The following NET1 variants were observed in gnomAD, a reference collection of about 807,000 sequenced individuals.
The protein encoded by NET1 is neuroepithelial cell transforming 1, also known as neuroepithelial cell-transforming gene 1 protein.
Under a neutral mutation model 61.1 loss-of-function variants are expected in NET1, and 42 were observed. That is an observed-to-expected ratio of 0.69 (90% CI 0.54 to 0.89). The LOEUF (loss-of-function observed/expected upper bound fraction) is 0.89, where lower values mean the gene tolerates loss of function less well. Among genes scored for constraint, NET1 ranks in the 40% least tolerant of loss-of-function variants. The probability of loss-of-function intolerance (pLI) is 0.00; values close to 1 mark genes in which losing one functional copy is unlikely to be tolerated. For missense variants in NET1, 654 were observed against 747.3 expected (o/e 0.88, Z 1.46); for synonymous variants, 254 against 281.8 (o/e 0.90, Z 0.99).
intron 3 of NET1, among the ~76,000 whole-genome samples, chr10:5,432,651 T>A (rs1305166016): frequency 6.6e-6 from 1 of 152,146 alleles, no homozygotes; most frequent in Non-Finnish European, 1.5e-5. Context: ...TTGAAGTCAT[T>A]CTACAGAGGA....
Position 5,428,146 on chromosome 10 carries a change from C to T in NET1, c.196-1024C>T, listed in dbSNP as rs148744731. Among the ~76,000 whole-genome samples the T allele has an allele frequency of 2.0e-3, 294 of 150,142 alleles. 3 individuals are homozygous for T. Among genetic ancestry groups the T allele is most frequent in the African/African-American group, 7.1e-3 (288 of 40,546 alleles). On this transcript the variant is annotated intron_variant, in intron 2 of 11. Transcript: ENST00000355029. ...CCTCACTGTGGGGCCAGGAAGTTGA[C>T]GGGAACCCTAACTAGTCACTTTTTA...
Position 5,453,739 on chromosome 10 carries a change from A to C in NET1, c.768+179A>C, listed in dbSNP as rs78095995. The stretch of plus-strand genomic sequence containing the variant: ...ACAGTCTGTTTAAAAAAAAAAAAAA[A>C]CACCTTCATTAATGCTATAGGTTCA... On this transcript the variant is annotated intron_variant, in intron 8 of 11. Coordinates refer to ENST00000355029, the MANE Select transcript of NET1 (RefSeq NM_001047160.3). This position sits in a 1 kb window ranked among gnomAD's most constrained non-coding sequence, Gnocchi z 4.9. 6.6e-6 allele frequency among the ~76,000 whole-genome samples: 1 copy of C among 152,000 alleles called. No individual in the cohort carries two copies. Among genetic ancestry groups the C allele is most frequent in the African/African-American group, 2.4e-5 (1 of 41,344 alleles).
rs58712778 is a variant in NET1 at position 5,458,438 on chromosome 10, T to TA, written c.*1457dup. The TA allele has an allele frequency of 1.8e-3, 260 of 142,400 alleles. 1 individual carries two copies. The highest frequency in any genetic ancestry group is 7.9e-3 in the East Asian group (39 of 4,964). The allele number at this position is 142,400 out of a possible 1,614,324, so 8.8% of individuals were successfully genotyped here. On this transcript the variant is annotated 3_prime_UTR_variant, in exon 12 of 12. Transcript: ENST00000355029. The surrounding 1 kb of genome is among the most constrained non-coding windows in gnomAD (Gnocchi z 4.5). ...TCTCTGTACAAATGAATGATACTAT[T>TA]AAAAAAAAAAAAAGCACACACATAA...
Position 5,451,800 on chromosome 10 carries a change from T to C in NET1, c.256-30T>C, listed in dbSNP as rs1296238411. On this transcript the variant is annotated intron_variant, in intron 3 of 11. Transcript: ENST00000355029. The surrounding 1 kb of genome is among the most constrained non-coding windows in gnomAD (Gnocchi z 6.1). ...TATGAAATCATTGCACCTAGACATA[T>C]ATTTAGTGTCATCTGGTTTGTTTTT... 3 of 1,554,926 alleles carry C rather than the reference T, an allele frequency of 1.9e-6. No homozygotes were observed. The highest frequency in any genetic ancestry group is 1.4e-5 in the African/African-American group (1 of 73,780).
chr10:5,437,722 G>A lies in NET1; in HGVS notation c.255+8493G>A, dbSNP rs1463945897. 6.6e-6 allele frequency among the ~76,000 whole-genome samples: 1 copy of A among 151,860 alleles called. No homozygotes were observed. Among genetic ancestry groups the A allele is most frequent in the East Asian group, 1.9e-4 (1 of 5,188 alleles). ...GATAACCTGACAGGAAATCAATAAG[G>A]AAGTAGAAGACTTAAACAGCACTCA... On this transcript the variant is annotated intron_variant, in intron 3 of 11. Transcript: ENST00000355029. The surrounding 1 kb of genome is among the most constrained non-coding windows in gnomAD (Gnocchi z 4.3).
At chr10:5,428,836 C>T (rs1477377134) in intron 2 of NET1, among the ~76,000 whole-genome samples, 1 of 151,758 alleles carries the variant, frequency 6.6e-6, no homozygotes, top group Non-Finnish European at 1.5e-5. Flanking sequence ...GATTCTCCTG[C>T]CTCAGCCTCT....
chr10:5,412,751 C>T lies in NET1; in HGVS notation c.59C>T (p.Ala20Val). The T allele has an allele frequency of 6.7e-7, 1 of 1,483,574 alleles. No individual in the cohort carries two copies. Among genetic ancestry groups the T allele is most frequent in the South Asian group, 1.3e-5 (1 of 77,590 alleles). 91.9% of individuals were successfully genotyped at this position (1,483,574 alleles called of 1,614,324 possible). Residue 20 changes from alanine (A) to valine (V), a missense_variant, in exon 1 of 12, where the codon GCC (alanine) becomes GTC (valine). Physicochemically the swap from Ala to Val is moderately conservative, Grantham distance 64 (BLOSUM62 0). Coordinates refer to ENST00000355029, the MANE Select transcript of NET1 (RefSeq NM_001047160.3). This position sits in a 1 kb window ranked among gnomAD's most constrained non-coding sequence, Gnocchi z 6.5. The part of the protein sequence containing the change: ...QPRPRRRSRR[A>V]SGLSTEGATG... ...CGACCGCGGAGGCGAAGCCGCCGGG[C>T]CTCTGGGCTCAGCACGGAGGGAGCG...
intron 3 of NET1, 56 bp downstream of exon 3, chr10:5,429,285 T>C: frequency 7.8e-7 from 1 of 1,283,882 alleles, no homozygotes; most frequent in Non-Finnish European, 1.1e-6. Flanking sequence ...GATAGCATTT[T>C]ATTTCTGTGC....
In NET1 at chr10:5,412,851, G is replaced by C; in HGVS notation, c.128+31G>C. 7.6e-7 allele frequency: 1 copy of C among 1,323,698 alleles called. No individual in the cohort carries two copies. Among genetic ancestry groups the C allele is most frequent in the Non-Finnish European group, 9.7e-7 (1 of 1,029,036 alleles). The allele number at this position is 1,323,698 out of a possible 1,614,324, so 82.0% of individuals were successfully genotyped here. On this transcript the variant is annotated intron_variant, in intron 1 of 11. Transcript: ENST00000355029. The surrounding 1 kb of genome is among the most constrained non-coding windows in gnomAD (Gnocchi z 6.5). ...TGTGGGGGAGGGGAGGGCCGAACGG[G>C]AGGTGAGTGTAGGGGAGCGGAGGGC...
At position 5,426,468 on chromosome 10, in the gene NET1, A is replaced by G. The variant is rs1832259187; in HGVS notation, c.129-187A>G. Among the ~76,000 whole-genome samples the G allele has an allele frequency of 6.6e-6, 1 of 152,172 alleles. No homozygotes were observed. Among genetic ancestry groups the G allele is most frequent in the Non-Finnish European group, 1.5e-5 (1 of 68,020 alleles). On this transcript the variant is annotated intron_variant, in intron 1 of 11. Transcript: ENST00000355029. The surrounding 1 kb of genome is among the most constrained non-coding windows in gnomAD (Gnocchi z 4.6). The stretch of plus-strand genomic sequence containing the variant: ...CTCTAAAGATGCTGAGAATGACCAA[A>G]ACCTATACCCTGTTTGTTTGTTTTT...
At chr10:5,434,132 T>G (rs1345763025) in intron 3 of NET1, among the ~76,000 whole-genome samples, 1 of 152,236 alleles carries the variant, frequency 6.6e-6, no homozygotes, top group Non-Finnish European at 1.5e-5. Flanking sequence ...TTCAGTGCAG[T>G]AAGTTTCCTG....
intron 3 of NET1, among the ~76,000 whole-genome samples, chr10:5,436,248 A>ATATATT (rs1564462826): frequency 1.2e-3 from 22 of 18,424 alleles, no homozygotes; most frequent in South Asian, 2.6e-3. Context: ...ATATATATAT[A>ATATATT]TTTTTTTTTT....
In NET1 at chr10:5,424,960, G is replaced by A. The variant is rs74963874; in HGVS notation, c.129-1695G>A. Among the ~76,000 whole-genome samples, 216 of 152,270 alleles carry A rather than the reference G, an allele frequency of 1.4e-3. No homozygotes were observed. The highest frequency in any genetic ancestry group is 0.014 in the Middle Eastern group (4 of 294). ...TGCCTTCTTACAATCTATTGTTCACGTTACTTAAGATTCAATGGCTGCCAC... is the reference window on the plus strand; with the variant it reads ...TGCCTTCTTACAATCTATTGTTCACATTACTTAAGATTCAATGGCTGCCAC... On this transcript the variant is annotated intron_variant, in intron 1 of 11. Transcript: ENST00000355029. This position sits in a 1 kb window ranked among gnomAD's most constrained non-coding sequence, Gnocchi z 6.1.
chr10:5,453,117 A>G lies in NET1; in HGVS notation c.595-133A>G, dbSNP rs1249452282. 1.1e-5 allele frequency: 8 copies of G among 737,730 alleles called. No individual in the cohort carries two copies. The highest frequency in any genetic ancestry group is 1.9e-5 in the Non-Finnish European group (8 of 418,720). 45.7% of individuals were successfully genotyped at this position (737,730 alleles called of 1,614,324 possible). On this transcript the variant is annotated intron_variant, in intron 6 of 11. Coordinates refer to ENST00000355029, the MANE Select transcript of NET1 (RefSeq NM_001047160.3). This position sits in a 1 kb window ranked among gnomAD's most constrained non-coding sequence, Gnocchi z 4.9. ...AGAGTTTATTTGGGGATTAATACAT[A>G]CTAATTTATTTTATGTGTAGCAAAC...
rs957686080 is a variant in NET1 at position 5,426,478 on chromosome 10, CTGTT to C, written c.129-167_129-164del. On this transcript the variant is annotated intron_variant, in intron 1 of 11. Transcript: ENST00000355029. This position sits in a 1 kb window ranked among gnomAD's most constrained non-coding sequence, Gnocchi z 4.6. ...GCTGAGAATGACCAAAACCTATACC[CTGTT>C]TGTTTGTTTTTTATATATATATAGA... is the stretch of plus-strand genomic sequence containing the variant. Among the ~76,000 whole-genome samples the C allele has an allele frequency of 1.1e-4, 16 of 152,086 alleles. No homozygotes were observed. Among genetic ancestry groups the C allele is most frequent in the Admixed American group, 2.6e-4 (4 of 15,266 alleles).
In NET1 at chr10:5,456,589, T is replaced by A; in HGVS notation, c.1386T>A (p.Ala462=). The change falls in exon 12 of 12, where the codon GCT becomes GCA. Residue 462 remains alanine, a splice_region_variant and synonymous_variant. Transcript: ENST00000355029. This position sits in a 1 kb window ranked among gnomAD's most constrained non-coding sequence, Gnocchi z 7.0. ...FRGAFSNSEK[A]KNIFRIRFHD... ...TTTTTTTCCAATTTTTTTTTTCAGCTAAAAATATCTTTAGAATTCGCTTCC... is the reference window on the plus strand; with the variant it reads ...TTTTTTTCCAATTTTTTTTTTCAGCAAAAAATATCTTTAGAATTCGCTTCC... The A allele has an allele frequency of 6.6e-7, 1 of 1,520,786 alleles. No individual in the cohort carries two copies. The highest frequency in any genetic ancestry group is 8.8e-7 in the Non-Finnish European group (1 of 1,135,716). 94.2% of individuals were successfully genotyped at this position (1,520,786 alleles called of 1,614,324 possible). A position where few individuals can be genotyped will look rare whatever the true frequency, so the allele number is the denominator to read the frequency against.
rs1832348600 is a variant in NET1 at position 5,431,539 on chromosome 10, T to C, written c.255+2310T>C. On this transcript the variant is annotated intron_variant, in intron 3 of 11. Coordinates refer to ENST00000355029, the MANE Select transcript of NET1 (RefSeq NM_001047160.3). The surrounding 1 kb of genome is among the most constrained non-coding windows in gnomAD (Gnocchi z 4.9). ...CTTTATCAGACCTCTGTTTATTAAC[T>C]GGAATACATCTGTAAAGAGAAAATT... Among the ~76,000 whole-genome samples, 1 of 152,180 alleles carries C rather than the reference T, an allele frequency of 6.6e-6. No homozygotes were observed. The highest frequency in any genetic ancestry group is 1.5e-5 in the Non-Finnish European group (1 of 68,032).
Position 5,452,501 on chromosome 10 carries a change from C to A in NET1, c.507C>A (p.Thr169=), listed in dbSNP as rs779202973. 6 of 1,613,746 alleles carry A rather than the reference C, an allele frequency of 3.7e-6. No homozygotes were observed. The highest frequency in any genetic ancestry group is 5.1e-6 in the Non-Finnish European group (6 of 1,179,822). Reference sequence around the variant, plus strand: ...ACATCACCATGAAGGAGTCTCTCACCACCAGGGAGATCAGACGGCAGGAGG... The same window carrying A: ...ACATCACCATGAAGGAGTCTCTCACAACCAGGGAGATCAGACGGCAGGAGG... ...MLDITMKESL[T]TREIRRQEAI... The change falls in exon 5 of 12, where the codon ACC becomes ACA. Residue 169 remains threonine, a synonymous_variant. Coordinates refer to ENST00000355029, the MANE Select transcript of NET1 (RefSeq NM_001047160.3). The surrounding 1 kb of genome is among the most constrained non-coding windows in gnomAD (Gnocchi z 4.0).
At position 5,435,244 on chromosome 10, in the gene NET1, C is replaced by A. The variant is rs1350713431; in HGVS notation, c.255+6015C>A. Among the ~76,000 whole-genome samples the A allele has an allele frequency of 6.6e-6, 1 of 152,064 alleles. No homozygotes were observed. Among genetic ancestry groups the A allele is most frequent in the African/African-American group, 2.4e-5 (1 of 41,404 alleles). On this transcript the variant is annotated intron_variant, in intron 3 of 11. Transcript: ENST00000355029. The surrounding 1 kb of genome is among the most constrained non-coding windows in gnomAD (Gnocchi z 5.0). The stretch of plus-strand genomic sequence containing the variant: ...GATAAGTGACATTGGGACCTAGGAA[C>A]ATTTGATTTTTCTTTTTATTTTTTA...
Sources: gnomAD v4.1 joint callset for allele counts (sites outside exome capture counted in the v4.1 genomes callset) on GRCh38, gnomAD v4.1.1 for gene constraint, Gnocchi (gnomAD v3.1) non-coding constraint, MANE v1.5 for transcripts, NCBI Gene and HGNC (gene_info 2026-07-23, HGNC 2026-07-21) for gene names.